The following PCDHGA5 variants were observed in gnomAD, a reference collection of about 807,000 sequenced individuals.
PCDHGA5 encodes protocadherin gamma-A5.
Under a neutral mutation model 56.7 loss-of-function variants are expected in PCDHGA5, and 36 were observed. That is an observed-to-expected ratio of 0.64 (90% CI 0.49 to 0.84). The LOEUF is 0.84. Among genes scored for constraint, PCDHGA5 ranks in the 40% least tolerant of loss-of-function variants. The pLI is 0.00. For missense variants in PCDHGA5, 1,305 were observed against 1,201.5 expected (o/e 1.09, Z -1.27); for synonymous variants, 563 against 520.2 (o/e 1.08, Z -1.12).
intron 1 of PCDHGA5, among the ~76,000 whole-genome samples, chr5:141,458,513 G>GTT (rs537551567): frequency 7.5e-5 from 11 of 146,196 alleles, no homozygotes; most frequent in African/African-American, 2.2e-4. Flanking sequence ...TTGACACTTT[G>GTT]TTTTTTTTTT....
intron 1 of PCDHGA5, chr5:141,374,140 C>T: frequency 6.2e-7 from 1 of 1,609,666 alleles, no homozygotes; most frequent in South Asian, 1.1e-5. Flanking sequence ...TCCTCACGCT[C>T]CTGGGGACGC....
At chr5:141,465,792 T>A (rs1262092940) in intron 1 of PCDHGA5, among the ~76,000 whole-genome samples, 2 of 152,018 alleles carry the variant, frequency 1.3e-5, no homozygotes, top group Non-Finnish European at 2.9e-5. Flanking sequence ...TTTTTTTTTT[T>A]AAGAAACCCT....
At chr5:141,422,786 C>T in intron 1 of PCDHGA5, 1 of 1,614,178 alleles carries the variant, frequency 6.2e-7, no homozygotes, top group Non-Finnish European at 8.5e-7. Context: ...GCCCTACAAT[C>T]CTTCGACTAT....
In PCDHGA5 at chr5:141,476,714, C is replaced by G. The variant is rs146188020; in HGVS notation, c.2422-18093C>G. 3.1e-6 allele frequency: 5 copies of G among 1,614,036 alleles called. No individual in the cohort carries two copies. Among genetic ancestry groups the G allele is most frequent in the African/African-American group, 2.7e-5 (2 of 74,938 alleles). ...CAAGTACGCGGAGCTGGTGTTGGAGCGCGCCCTGGACCGAGAACGGGAGCC... is the reference window on the plus strand; with the variant it reads ...CAAGTACGCGGAGCTGGTGTTGGAGGGCGCCCTGGACCGAGAACGGGAGCC... On this transcript the variant is annotated intron_variant, in intron 1 of 3. Transcript: ENST00000518069. This position sits in a 1 kb window ranked among gnomAD's most constrained non-coding sequence, Gnocchi z 7.6.
At chr5:141,438,583 CAT>C (rs1561889590) in intron 1 of PCDHGA5, among the ~76,000 whole-genome samples, 4 of 57,610 alleles carry the variant, frequency 6.9e-5, no homozygotes, top group African/African-American at 3.6e-4. Flanking sequence ...TACATACATA[CAT>C]ACATACATAT....
intron 1 of PCDHGA5, chr5:141,389,055 A>T: frequency 6.2e-7 from 1 of 1,613,996 alleles, no homozygotes; most frequent in Middle Eastern, 1.6e-4. Flanking sequence ...TGTTCCATTT[A>T]AAATATTAAC....
At chr5:141,371,483 G>T in intron 1 of PCDHGA5, 1 of 1,613,952 alleles carries the variant, frequency 6.2e-7, no homozygotes, top group Non-Finnish European at 8.5e-7. Context: ...CTGAGCTGGG[G>T]ACTGCCGTTG....
chr5:141,450,835 T>TA lies in PCDHGA5; in HGVS notation c.2422-43972_2422-43971insA, dbSNP rs1438371595. ...ATTTAATATTATTATTATTATTTTT[T>TA]TTTTTTTGAGATGGGGTCTTGCTCT... is the stretch of plus-strand genomic sequence containing the variant. On this transcript the variant is annotated intron_variant, in intron 1 of 3. Coordinates refer to ENST00000518069, the MANE Select transcript of PCDHGA5 (RefSeq NM_018918.3). 4.0e-3 allele frequency among the ~76,000 whole-genome samples: 570 copies of TA among 142,160 alleles called. 3 individuals are homozygous for TA. The highest frequency in any genetic ancestry group is 0.015 in the Middle Eastern group (4 of 270). The allele number at this position is 142,160 out of a possible 152,430, so 93.3% of individuals were successfully genotyped here.
chr5:141,420,313 C>A, intron 1 of PCDHGA5: 1 of 1,434,874 alleles, frequency 7.0e-7, no homozygotes, highest in Non-Finnish European at 9.4e-7. Flanking sequence ...TTTTATATTA[C>A]AATATGCCAA....
At chr5:141,408,438 C>T (rs749271632) in intron 1 of PCDHGA5, 1 of 1,614,014 alleles carries the variant, frequency 6.2e-7, no homozygotes. Context: ...AGCGTAGACG[C>T]GGAGAGCGGG....
chr5:141,395,511 T>G, intron 1 of PCDHGA5: 3 of 425,438 alleles, frequency 7.1e-6, no homozygotes, highest in Non-Finnish European at 1.3e-5. Context: ...AAGAAGTAGC[T>G]ACCCGTCCAT....
At chr5:141,394,186 C>T (rs1412149852) in intron 1 of PCDHGA5, 7 of 1,613,792 alleles carry the variant, frequency 4.3e-6, no homozygotes, top group South Asian at 1.1e-5. Context: ...GCCTCCTACT[C>T]AGCGTATATC....
At position 141,487,991 on chromosome 5, in the gene PCDHGA5, G is replaced by C. The variant is rs932744807; in HGVS notation, c.2422-6816G>C. ...GCTGTTTTCTCTACTCTTCCTGAAA[G>C]AGGGGATCAGATTCTGAAGTACCTT... On this transcript the variant is annotated intron_variant, in intron 1 of 3. Coordinates refer to ENST00000518069, the MANE Select transcript of PCDHGA5 (RefSeq NM_018918.3). The surrounding 1 kb of genome is among the most constrained non-coding windows in gnomAD (Gnocchi z 5.0). 2.6e-5 allele frequency among the ~76,000 whole-genome samples: 4 copies of C among 152,194 alleles called. No homozygotes were observed. The highest frequency in any genetic ancestry group is 4.4e-5 in the Non-Finnish European group (3 of 68,030).
chr5:141,376,378 G>A, intron 1 of PCDHGA5: 5 of 1,614,236 alleles, frequency 3.1e-6, no homozygotes, highest in Non-Finnish European at 4.2e-6. Context: ...ACTCGCGTAA[G>A]AGTCATCTGA....
In PCDHGA5 at chr5:141,433,363, CTATCT is replaced by C. The variant is rs2097590943; in HGVS notation, c.2422-61443_2422-61439del. On this transcript the variant is annotated intron_variant, in intron 1 of 3. Transcript: ENST00000518069. ...TGCAAGCCACCTACTGTCTGCCTAT[CTATCT>C]ATCTATCTATCTATCTATCTATCTA... 4 of 463,386 alleles carry C rather than the reference CTATCT, an allele frequency of 8.6e-6. No homozygotes were observed. The African/African-American group carries it at 1.1e-4, about 13-fold the overall frequency. 28.7% of individuals were successfully genotyped at this position (463,386 alleles called of 1,614,324 possible). A position where few individuals can be genotyped will look rare whatever the true frequency, so the allele number is the denominator to read the frequency against.
chr5:141,389,374 G>C (rs192606668), intron 1 of PCDHGA5: 6 of 1,613,666 alleles, frequency 3.7e-6, no homozygotes, highest in Admixed American at 1.7e-5. Flanking sequence ...CTGGAGCAGC[G>C]GGAGCTGTCA....
chr5:141,375,058 A>C (rs1346702145), intron 1 of PCDHGA5: 3 of 1,614,066 alleles, frequency 1.9e-6, no homozygotes, highest in Non-Finnish European at 2.5e-6. Context: ...GGGATGGGCC[A>C]GGTCTTCGAG....
chr5:141,371,249 C>A, intron 1 of PCDHGA5: 1 of 1,613,988 alleles, frequency 6.2e-7, no homozygotes, highest in Admixed American at 1.7e-5. Flanking sequence ...TCAATATTGG[C>A]AAGGAAGTGA....
intron 1 of PCDHGA5, among the ~76,000 whole-genome samples, chr5:141,381,491 A>G (rs773337977): frequency 1.7e-4 from 26 of 152,224 alleles, no homozygotes; most frequent in Non-Finnish European, 7.3e-5. Flanking sequence ...TGTTTTCTCA[A>G]TTACACTAGA....
Sources: allele counts gnomAD v4.1 joint callset (sites outside exome capture counted in the v4.1 genomes callset), GRCh38; gene constraint gnomAD v4.1.1; non-coding constraint Gnocchi (gnomAD v3.1); transcripts MANE v1.5; gene names NCBI Gene and HGNC (gene_info 2026-07-23, HGNC 2026-07-21).